The following DIS3L2 variants were observed in gnomAD, a reference collection of about 807,000 sequenced individuals.
DIS3L2 encodes DIS3 like 3'-5' exoribonuclease 2, also known as DIS3-like exonuclease 2.
In DIS3L2, 34 loss-of-function variants were observed where a neutral mutation model predicts 97.5. That is an observed-to-expected ratio of 0.35 (90% confidence interval 0.27 to 0.46). The LOEUF (loss-of-function observed/expected upper bound fraction) is 0.46, where lower values mean the gene tolerates loss of function less well. DIS3L2 is among the 20% of genes least tolerant of loss of function. The pLI is 1.00. For missense variants in DIS3L2, 1,038 were observed against 1,146.0 expected (o/e 0.91, Z 1.36); for synonymous variants, 435 against 445.2 (o/e 0.98, Z 0.29).
chr2:232,015,635 T>A lies in DIS3L2; in HGVS notation c.174T>A (p.Asp58Glu). 1.2e-6 allele frequency: 2 copies of A among 1,614,002 alleles called. No homozygotes were observed. The highest frequency in any genetic ancestry group is 1.7e-6 in the Non-Finnish European group (2 of 1,179,918). ...SIFETYMSKE[D>E]VSEGLKRGTL... The stretch of plus-strand genomic sequence containing the variant: ...TTGAAACTTACATGTCCAAGGAGGA[T>A]GTTTCAGAAGGCTTGAAGAGAGGAA... The change falls in exon 3 of 21, where the codon GAT (aspartate) becomes GAA (glutamate). Residue 58 changes from aspartate to glutamate, a missense_variant. This residue lies in a region of DIS3L2 where 813 missense variants were observed against 880.1 expected (regional missense o/e 0.92). Transcript: ENST00000325385.
chr2:232,318,786 TG>T (rs1366223137), intron 14 of DIS3L2, among the ~76,000 whole-genome samples: 1 of 152,144 alleles, frequency 6.6e-6, no homozygotes, highest in African/African-American at 2.4e-5. Context: ...CCTGGAGAAC[TG>T]AGCAGAGCAG....
At chr2:231,996,804 A>G (rs1413738569) in intron 1 of DIS3L2, among the ~76,000 whole-genome samples, 1 of 152,192 alleles carries the variant, frequency 6.6e-6, no homozygotes, top group Non-Finnish European at 1.5e-5. Flanking sequence ...TCTATTTTAA[A>G]GTCCTTTGAA....
intron 14 of DIS3L2, among the ~76,000 whole-genome samples, chr2:232,316,209 A>T (rs871411): frequency 6.6e-6 from 1 of 151,914 alleles, no homozygotes; most frequent in Non-Finnish European, 1.5e-5. Flanking sequence ...TTGTTGTTCT[A>T]TAAATCTGTT....
At chr2:232,016,341 A>G (rs1294846623) in intron 3 of DIS3L2, among the ~76,000 whole-genome samples, 1 of 152,214 alleles carries the variant, frequency 6.6e-6, no homozygotes, top group Non-Finnish European at 1.5e-5. Context: ...GGTAGACAAG[A>G]TTGCCTTGCT....
Position 232,334,803 on chromosome 2 carries a change from G to A in DIS3L2, c.2394+68G>A, listed in dbSNP as rs1476742144. ...AGCCATCCCGCACTGGAGGGGCACA[G>A]GCTGTGATGGGTCACACTCCACCCC... On this transcript the variant is annotated intron_variant, in intron 19 of 20. Coordinates refer to ENST00000325385, the MANE Select transcript of DIS3L2 (RefSeq NM_152383.5). 18 of 1,386,196 alleles carry A rather than the reference G, an allele frequency of 1.3e-5. No individual in the cohort carries two copies. In the Admixed American group the frequency reaches 2.8e-4, roughly 22 times the overall value. 85.9% of individuals were successfully genotyped at this position (1,386,196 alleles called of 1,614,324 possible). A position where few individuals can be genotyped will look rare whatever the true frequency, so the allele number is the denominator to read the frequency against.
At chr2:232,036,542 C>G (rs1694954404) in intron 5 of DIS3L2, among the ~76,000 whole-genome samples, 1 of 152,210 alleles carries the variant, frequency 6.6e-6, no homozygotes, top group African/African-American at 2.4e-5. Context: ...AACTCATTCT[C>G]CGTCCAGTTT....
chr2:232,284,693 C>T (rs1207706885), intron 13 of DIS3L2, among the ~76,000 whole-genome samples: 1 of 152,070 alleles, frequency 6.6e-6, no homozygotes, highest in Non-Finnish European at 1.5e-5. Flanking sequence ...GTTTTTTTCC[C>T]CATCACCTGG....
At chr2:232,271,327 T>C (rs1310241432) in intron 13 of DIS3L2, among the ~76,000 whole-genome samples, 1 of 152,212 alleles carries the variant, frequency 6.6e-6, no homozygotes, top group Non-Finnish European at 1.5e-5. Context: ...TCTTACCTCC[T>C]GCGTGTATTA....
intron 8 of DIS3L2, among the ~76,000 whole-genome samples, chr2:232,141,795 T>C (rs766124491): frequency 1.3e-5 from 2 of 152,224 alleles, no homozygotes; most frequent in Admixed American, 6.5e-5. Context: ...GCAATATTTA[T>C]TGACCCATGG....
At chr2:232,127,051 T>C (rs1448087195) in intron 6 of DIS3L2, among the ~76,000 whole-genome samples, 1 of 152,176 alleles carries the variant, frequency 6.6e-6, no homozygotes, top group Non-Finnish European at 1.5e-5. Context: ...CTTACTTTTG[T>C]GTATAGCAGT....
chr2:232,085,166 T>A (rs547988298), intron 5 of DIS3L2, among the ~76,000 whole-genome samples: 2 of 152,344 alleles, frequency 1.3e-5, no homozygotes, highest in East Asian at 3.9e-4. Context: ...CTGCTTCCTC[T>A]AAGCAGTATT....
chr2:232,264,932 A>C (rs1693815445), intron 13 of DIS3L2, among the ~76,000 whole-genome samples: 1 of 152,220 alleles, frequency 6.6e-6, no homozygotes, highest in African/African-American at 2.4e-5. Flanking sequence ...CAGCCTGAGC[A>C]GGCCTGTCTG....
rs67846645 is a variant in DIS3L2, at chr2:232,213,661, G to GTT, written c.1204+3279_1204+3280dup. Among the ~76,000 whole-genome samples, 372 of 80,728 alleles carry GTT rather than the reference G, an allele frequency of 4.6e-3. 4 individuals are homozygous for GTT. The highest frequency in any genetic ancestry group is 0.016 in the African/African-American group (326 of 20,812). The allele number at this position is 80,728 out of a possible 152,430, so 53.0% of individuals were successfully genotyped here. A position where few individuals can be genotyped will look rare whatever the true frequency, so the allele number is the denominator to read the frequency against. On this transcript the variant is annotated intron_variant, in intron 10 of 20. Transcript: ENST00000325385. ...TCTCGGTCTATTTATATCATCTGTA[G>GTT]TTTTTTTTTTTTTTTTTTTTTTTTA...
intron 1 of DIS3L2, among the ~76,000 whole-genome samples, chr2:231,982,284 C>G (rs976145534): frequency 6.6e-6 from 1 of 152,146 alleles, no homozygotes; most frequent in Non-Finnish European, 1.5e-5. Flanking sequence ...GCTTTCCTTA[C>G]TTGGCTTTGC....
chr2:232,127,610 C>T (rs920334274), intron 6 of DIS3L2, among the ~76,000 whole-genome samples: 2 of 152,216 alleles, frequency 1.3e-5, no homozygotes, highest in African/African-American at 4.8e-5. Context: ...CCTTACCCAT[C>T]TTGCCGTTGT....
intron 12 of DIS3L2, among the ~76,000 whole-genome samples, chr2:232,258,922 G>T (rs1472463154): frequency 4.6e-5 from 7 of 152,054 alleles, no homozygotes; most frequent in Admixed American, 4.6e-4. Context: ...TTTCTGCTTG[G>T]CGTCTGCAGA....
chr2:232,263,186 G>T (rs773220143), intron 12 of DIS3L2, 21 bp from the exon 13 acceptor site: 1 of 1,611,670 alleles, frequency 6.2e-7, no homozygotes, highest in Admixed American at 1.7e-5. Flanking sequence ...CAATTCCCTT[G>T]TAATCTGTCC....
intron 1 of DIS3L2, among the ~76,000 whole-genome samples, chr2:232,006,033 C>G (rs954876753): frequency 6.6e-6 from 1 of 151,994 alleles, no homozygotes; most frequent in East Asian, 1.9e-4. Flanking sequence ...ACTAAAAATA[C>G]AAAAATTAGC....
chr2:232,175,796 G>A (rs1291826723), intron 9 of DIS3L2, among the ~76,000 whole-genome samples: 2 of 151,902 alleles, frequency 1.3e-5, no homozygotes, highest in Non-Finnish European at 2.9e-5. Flanking sequence ...CGATGGGTGG[G>A]GGGGTGGTTT....
Sources: gnomAD v4.1 joint callset for allele counts (sites outside exome capture counted in the v4.1 genomes callset) on GRCh38, gnomAD v4.1.1 for gene constraint, gnomAD v4.1.1 regional missense constraint, MANE v1.5 for transcripts, NCBI Gene and HGNC (gene_info 2026-07-23, HGNC 2026-07-21) for gene names.